ACVR1: variants seen among roughly 807,000 people sequenced by gnomAD.
ACVR1 encodes the protein activin A receptor type 1.
ACVR1 carries 38 observed loss-of-function variants against 57.1 expected under a neutral mutation model. The observed-to-expected ratio is 0.67, with a 90% CI of 0.51 to 0.87. The LOEUF (loss-of-function observed/expected upper bound fraction) is 0.87. Among genes scored for constraint, ACVR1 ranks in the 40% least tolerant of loss-of-function variants. The pLI, the probability that ACVR1 is intolerant of heterozygous loss-of-function variation, is 0.00. For synonymous variants in ACVR1, 212 were observed against 228.1 expected (o/e 0.93, Z 0.63); for missense variants, 463 against 638.2 (o/e 0.73, Z 2.96).
intron 8 of ACVR1, among the ~76,000 whole-genome samples, chr2:157,761,360 T>A (rs761255088): frequency 1.3e-5 from 2 of 152,172 alleles, no homozygotes; most frequent in Admixed American, 1.3e-4. Context: ...ACTAAACCAA[T>A]GTGGCCTGTG....
At position 157,876,209 on chromosome 2, in the gene ACVR1, G is replaced by T. The variant is rs1258831777; in HGVS notation, c.-596C>A. 1.3e-5 allele frequency among the ~76,000 whole-genome samples: 2 copies of T among 150,586 alleles called. No individual in the cohort carries two copies. The highest frequency in any genetic ancestry group is 3.0e-5 in the Non-Finnish European group (2 of 67,358). ...GCTCGGGCTGGGAGCACGACCGCGG[G>T]CGGGGCGGGCGGACCAGCTGGGCTT... On this transcript the variant is annotated 5_prime_UTR_variant, in exon 1 of 11. Transcript: ENST00000434821.
At chr2:157,791,629 A>G (rs1686915833) in intron 3 of ACVR1, among the ~76,000 whole-genome samples, 1 of 152,228 alleles carries the variant, frequency 6.6e-6, no homozygotes, top group Admixed American at 6.5e-5. Context: ...GGTGGCAACA[A>G]GCACAGAGAG....
chr2:157,763,085 A>G (rs758663839), intron 8 of ACVR1, among the ~76,000 whole-genome samples: 13 of 152,248 alleles, frequency 8.5e-5, no homozygotes, highest in African/African-American at 1.4e-4. Context: ...TGACAAAACA[A>G]CCGGATGCAA....
chr2:157,779,593 A>G (rs1311585911), intron 4 of ACVR1, among the ~76,000 whole-genome samples: 1 of 152,200 alleles, frequency 6.6e-6, no homozygotes, highest in East Asian at 1.9e-4. Flanking sequence ...TTCTGAGTGC[A>G]AAATTAAATA....
chr2:157,767,095 G>T (rs564285753), intron 7 of ACVR1, among the ~76,000 whole-genome samples: 1 of 151,940 alleles, frequency 6.6e-6, no homozygotes, highest in Non-Finnish European at 1.5e-5. Context: ...GCAATGGCGC[G>T]ATCTCGGTTC....
chr2:157,819,077 CAAAAAAAAAAAAAAA>C (rs386391595), intron 1 of ACVR1, among the ~76,000 whole-genome samples: 2 of 59,178 alleles, frequency 3.4e-5, no homozygotes, highest in African/African-American at 1.6e-4. Context: ...GACTCCGTCT[CAAAAAAAAAAAAAAA>C]AAAAAAAAAA....
At chr2:157,768,845 G>A (rs1685972345) in intron 7 of ACVR1, among the ~76,000 whole-genome samples, 1 of 152,156 alleles carries the variant, frequency 6.6e-6, no homozygotes, top group South Asian at 2.1e-4. Flanking sequence ...TTATGGTCAT[G>A]GTGAAGATTC....
intron 1 of ACVR1, among the ~76,000 whole-genome samples, chr2:157,846,907 A>G (rs1689142543): frequency 6.6e-6 from 1 of 152,238 alleles, no homozygotes; most frequent in Non-Finnish European, 1.5e-5. Context: ...AACATGTGCT[A>G]TTCTAGGAAA....
At chr2:157,775,281 G>T (rs1686237728) in intron 5 of ACVR1, among the ~76,000 whole-genome samples, 1 of 152,160 alleles carries the variant, frequency 6.6e-6, no homozygotes, top group Admixed American at 6.5e-5. Flanking sequence ...ACAAATGAAG[G>T]TGTTGGCAAA....
At chr2:157,772,156 T>C (rs78584323) in intron 6 of ACVR1, among the ~76,000 whole-genome samples, 3,814 of 152,298 alleles carry the variant, frequency 0.025, 163 homozygotes, top group African/African-American at 0.087. Context: ...TTCAATGGTT[T>C]TCAAATGCTT....
At chr2:157,809,533 G>C (rs1359746344) in intron 2 of ACVR1, among the ~76,000 whole-genome samples, 1 of 152,116 alleles carries the variant, frequency 6.6e-6, no homozygotes, top group Non-Finnish European at 1.5e-5. Context: ...GAGACAGGGA[G>C]AGGAGGCAGG....
intron 1 of ACVR1, among the ~76,000 whole-genome samples, chr2:157,854,238 A>G (rs1689428063): frequency 6.6e-6 from 1 of 151,660 alleles, no homozygotes; most frequent in South Asian, 2.1e-4. Context: ...TTTCTTCCTA[A>G]CATTTCATAC....
At chr2:157,849,581 C>T (rs920380009) in intron 1 of ACVR1, among the ~76,000 whole-genome samples, 3 of 152,136 alleles carry the variant, frequency 2.0e-5, no homozygotes, top group Non-Finnish European at 2.9e-5. Context: ...AATCACGCAT[C>T]GAAACTGTCA....
At chr2:157,854,608 A>G (rs1689445798) in intron 1 of ACVR1, among the ~76,000 whole-genome samples, 1 of 152,052 alleles carries the variant, frequency 6.6e-6, no homozygotes, top group Non-Finnish European at 1.5e-5. Context: ...TTGTAGACCC[A>G]GCTCTTTGGG....
chr2:157,778,384 C>T, intron 4 of ACVR1, 42 bp from the exon 5 acceptor site: 1 of 1,496,992 alleles, frequency 6.7e-7, no homozygotes, highest in Non-Finnish European at 9.3e-7. Flanking sequence ...GTAAGGATCA[C>T]TGCTTACTTA....
intron 2 of ACVR1, among the ~76,000 whole-genome samples, chr2:157,815,675 T>G (rs1687910352): frequency 6.6e-6 from 1 of 152,194 alleles, no homozygotes; most frequent in Non-Finnish European, 1.5e-5. Context: ...CTCTTAAAAC[T>G]AATTCAACCT....
At chr2:157,841,353 G>T (rs1688966386) in intron 1 of ACVR1, among the ~76,000 whole-genome samples, 1 of 152,144 alleles carries the variant, frequency 6.6e-6, no homozygotes, top group African/African-American at 2.4e-5. Flanking sequence ...TATTTTATCT[G>T]AAGTTATAAG....
chr2:157,869,310 CTA>C (rs1376499022), intron 1 of ACVR1, among the ~76,000 whole-genome samples: 2 of 152,114 alleles, frequency 1.3e-5, no homozygotes, highest in East Asian at 3.9e-4. Flanking sequence ...TAAGAACTTT[CTA>C]TAGAATGACA....
chr2:157,840,358 T>G (rs963491243), intron 1 of ACVR1, among the ~76,000 whole-genome samples: 1 of 152,168 alleles, frequency 6.6e-6, no homozygotes, highest in Non-Finnish European at 1.5e-5. Context: ...AACGCATAAA[T>G]TATCACTCCA....
Sources: gnomAD v4.1 joint callset for allele counts (sites outside exome capture counted in the v4.1 genomes callset) on GRCh38, gnomAD v4.1.1 for gene constraint, MANE v1.5 for transcripts, NCBI Gene and HGNC (gene_info 2026-07-23, HGNC 2026-07-21) for gene names.